The following ODAD2 variants were observed in gnomAD, a reference collection of about 807,000 sequenced individuals.
The protein encoded by ODAD2 is outer dynein arm docking complex subunit 2, also known as outer dynein arm-docking complex subunit 2.
In ODAD2, 89 loss-of-function variants were observed where a neutral mutation model predicts 106.8. The observed-to-expected ratio is 0.83, with a 90% CI of 0.70 to 0.99. ODAD2 has a LOEUF of 0.99. Among genes scored for constraint, ODAD2 ranks in the 50% least tolerant of loss-of-function variants. The pLI is 0.00. For synonymous variants in ODAD2, 404 were observed against 436.2 expected, an observed-to-expected ratio of 0.93 and a Z score of 0.92; for missense variants, 1,168 against 1,238.5, an observed-to-expected ratio of 0.94 and a Z score of 0.85.
At chr10:27,960,193 T>C (rs1013060142) in intron 10 of ODAD2, among the ~76,000 whole-genome samples, 4 of 151,870 alleles carry the variant, frequency 2.6e-5, no homozygotes, top group South Asian at 2.1e-4. Context: ...TCATTTTGCA[T>C]TGATGTTGGT....
chr10:27,818,670 T>C (rs561178307), intron 19 of ODAD2, among the ~76,000 whole-genome samples: 2 of 152,298 alleles, frequency 1.3e-5, no homozygotes, highest in African/African-American at 2.4e-5. Context: ...AGGAGGAGAA[T>C]AGATTGCTAG....
At chr10:27,934,679 A>G (rs1489634207) in intron 16 of ODAD2, among the ~76,000 whole-genome samples, 1 of 152,164 alleles carries the variant, frequency 6.6e-6, no homozygotes, top group Non-Finnish European at 1.5e-5. Context: ...AATGTACCTG[A>G]CACTCTCTAG....
In ODAD2 at chr10:27,974,689, G is replaced by GTT. The variant is rs397699788; in HGVS notation, c.937-3378_937-3377dup. On this transcript the variant is annotated intron_variant, in intron 7 of 19. Transcript: ENST00000305242. ...ATACCTCCAGCTTCGGTCTGTTTTT[G>GTT]TTTTTTTTTTTTTTGCTTAGGATTG... 2.4e-3 allele frequency among the ~76,000 whole-genome samples: 310 copies of GTT among 128,338 alleles called. 2 individuals carry two copies. The highest frequency in any genetic ancestry group is 4.2e-3 in the Admixed American group (55 of 13,028). 84.2% of individuals were successfully genotyped at this position (128,338 alleles called of 152,430 possible).
chr10:27,881,440 G>C (rs2133566141), intron 17 of ODAD2, among the ~76,000 whole-genome samples: 1 of 151,966 alleles, frequency 6.6e-6, no homozygotes, highest in East Asian at 1.9e-4. Flanking sequence ...GACCAGCCTG[G>C]GCAACATAGC....
chr10:27,815,086 G>T (rs547989324), intron 19 of ODAD2, among the ~76,000 whole-genome samples: 2 of 152,250 alleles, frequency 1.3e-5, no homozygotes, highest in Non-Finnish European at 2.9e-5. Context: ...GAAGCCATTA[G>T]ACAGCAACAA....
chr10:27,891,776 G>A (rs1048696612), intron 17 of ODAD2, among the ~76,000 whole-genome samples: 1 of 151,992 alleles, frequency 6.6e-6, no homozygotes, highest in African/African-American at 2.4e-5. Flanking sequence ...AAAATGCACT[G>A]ATATTTAAGA....
intron 16 of ODAD2, among the ~76,000 whole-genome samples, chr10:27,925,488 G>C (rs1845191011): frequency 6.6e-6 from 1 of 152,088 alleles, no homozygotes. Flanking sequence ...CTCCTGAAAG[G>C]CTGGAATTAC....
chr10:27,966,346 T>C (rs1434641764), intron 9 of ODAD2, among the ~76,000 whole-genome samples: 1 of 152,170 alleles, frequency 6.6e-6, no homozygotes, highest in Non-Finnish European at 1.5e-5. Flanking sequence ...GCCTAAGTTC[T>C]TTGAGGAAAG....
At chr10:27,994,876 T>C (rs1383901872) in intron 2 of ODAD2, 43 bp downstream of exon 2, 2 of 1,603,380 alleles carry the variant, frequency 1.2e-6, no homozygotes, top group Admixed American at 3.4e-5. Context: ...TAATACTATG[T>C]ACAACGAAGA....
chr10:27,850,127 C>T (rs1289553230), intron 19 of ODAD2, among the ~76,000 whole-genome samples: 1 of 152,124 alleles, frequency 6.6e-6, no homozygotes, highest in Non-Finnish European at 1.5e-5. Context: ...CCTTAGTTTC[C>T]TCGTCTGCGA....
intron 9 of ODAD2, among the ~76,000 whole-genome samples, chr10:27,964,445 T>C (rs540276556): frequency 6.6e-6 from 1 of 152,300 alleles, no homozygotes; most frequent in African/African-American, 2.4e-5. Flanking sequence ...GTGTGAAATA[T>C]GTGTTTTAGT....
intron 4 of ODAD2, 112 bp from the exon 5 acceptor site, chr10:27,984,402 G>A (rs1849749540): frequency 1.4e-6 from 1 of 727,508 alleles, no homozygotes; most frequent in East Asian, 2.6e-5. Context: ...TAAAATTGCA[G>A]TTAATTTTAG....
intron 17 of ODAD2, among the ~76,000 whole-genome samples, chr10:27,893,521 A>G (rs1286907599): frequency 6.7e-6 from 1 of 149,998 alleles, no homozygotes; most frequent in East Asian, 2.0e-4. Flanking sequence ...TGGTTTTTGC[A>G]GCATTACTGT....
chr10:27,852,918 G>C (rs555587102), intron 19 of ODAD2, among the ~76,000 whole-genome samples: 1 of 138,230 alleles, frequency 7.2e-6, no homozygotes, highest in African/African-American at 2.7e-5. Flanking sequence ...CTGAGATCGC[G>C]CCGTTGCACT....
intron 10 of ODAD2, among the ~76,000 whole-genome samples, chr10:27,958,048 A>C (rs896912311): frequency 6.6e-6 from 1 of 152,246 alleles, no homozygotes; most frequent in Non-Finnish European, 1.5e-5. Context: ...TTGTGTCTCC[A>C]TATAAAATAT....
Position 27,932,765 on chromosome 10 carries a change from A to T in ODAD2, c.2495+2245T>A, listed in dbSNP as rs146433482. Among the ~76,000 whole-genome samples the T allele has an allele frequency of 1.7e-3, 253 of 152,254 alleles. 1 individual carries two copies. Among genetic ancestry groups the T allele is most frequent in the African/African-American group, 5.7e-3 (236 of 41,564 alleles). On this transcript the variant is annotated intron_variant, in intron 16 of 19. Coordinates refer to ENST00000305242, the MANE Select transcript of ODAD2 (RefSeq NM_018076.5). ...CAACTCCCACCCAGTCACTCTTTCA[A>T]TCACACTGTTTTCTTGTCTTCATAG...
At chr10:27,885,533 A>T (rs369296315) in intron 17 of ODAD2, among the ~76,000 whole-genome samples, 8,361 of 14,260 alleles carry the variant, frequency 0.59, 2,015 homozygotes, top group African/African-American at 0.63. Context: ...AAAAAAAAAA[A>T]ATATATATAT....
chr10:27,838,401 T>C (rs1189755489), intron 19 of ODAD2, among the ~76,000 whole-genome samples: 1 of 152,244 alleles, frequency 6.6e-6, no homozygotes, highest in East Asian at 1.9e-4. Context: ...AATGGATTTT[T>C]TTCCTGTGAT....
At chr10:27,995,921 G>C (rs1850533977) in intron 1 of ODAD2, among the ~76,000 whole-genome samples, 1 of 152,140 alleles carries the variant, frequency 6.6e-6, no homozygotes, top group Non-Finnish European at 1.5e-5. Flanking sequence ...AGAGATGTAG[G>C]AATAAGTGAG....
Sources: gnomAD v4.1 joint callset for allele counts (sites outside exome capture counted in the v4.1 genomes callset) on GRCh38, gnomAD v4.1.1 for gene constraint, MANE v1.5 for transcripts, NCBI Gene and HGNC (gene_info 2026-07-23, HGNC 2026-07-21) for gene names.